Variants in DHPS observed in about 807,000 individuals in gnomAD.
DHPS encodes deoxyhypusine synthase, also known as migration-inducing gene 13.
Under a neutral mutation model 38.7 loss-of-function variants are expected in DHPS, and 24 were observed. The ratio of observed to expected loss-of-function variants is 0.62; its 90% CI spans 0.45 to 0.87. DHPS has a LOEUF of 0.87. Ranked by LOEUF, DHPS falls within the 40% of genes least tolerant of loss-of-function variation. The probability of loss-of-function intolerance (pLI) is 0.00; values close to 1 mark genes in which losing one functional copy is unlikely to be tolerated. For missense variants in DHPS, 510 were observed against 497.6 expected (o/e 1.02, Z -0.24); for synonymous variants, 250 against 204.4 (o/e 1.22, Z -1.90).
chr19:12,678,254 G>A (rs552116990), intron 5 of DHPS, among the ~76,000 whole-genome samples: 1 of 149,100 alleles, frequency 6.7e-6, no homozygotes, highest in South Asian at 2.1e-4. Context: ...GCAAAACTCC[G>A]TCTCAAAAAA....
chr19:12,681,815 C>T lies in DHPS; in HGVS notation c.-49G>A, dbSNP rs763615496. 6 of 1,554,542 alleles carry T rather than the reference C, an allele frequency of 3.9e-6. No individual in the cohort carries two copies. Among genetic ancestry groups the T allele is most frequent in the Non-Finnish European group, 5.2e-6 (6 of 1,145,146 alleles). ...CAAAGCTGCCCCTAGGCCGGGCTTACGGCGGCCCAGAAACGCGTTAAACCC... is the reference window on the plus strand; with the variant it reads ...CAAAGCTGCCCCTAGGCCGGGCTTATGGCGGCCCAGAAACGCGTTAAACCC... On this transcript the variant is annotated 5_prime_UTR_variant, in exon 1 of 9. Coordinates refer to ENST00000210060, the MANE Select transcript of DHPS (RefSeq NM_001930.4).
At chr19:12,678,147 G>GA (rs1439914885) in intron 5 of DHPS, among the ~76,000 whole-genome samples, 3 of 151,630 alleles carry the variant, frequency 2.0e-5, no homozygotes, top group African/African-American at 7.3e-5. Flanking sequence ...AGCTACTTGG[G>GA]AACTTGATGC....
rs2024829933 is a variant in DHPS, at chr19:12,681,823, C to A, written c.-57G>T. ...CCCCTAGGCCGGGCTTACGGCGGCC[C>A]AGAAACGCGTTAAACCCCGACGCGC... On this transcript the variant is annotated 5_prime_UTR_variant, in exon 1 of 9. Transcript: ENST00000210060. 6.6e-7 allele frequency: 1 copy of A among 1,517,046 alleles called. No individual in the cohort carries two copies. The highest frequency in any genetic ancestry group is 1.4e-5 in the African/African-American group (1 of 73,120). 94.0% of individuals were successfully genotyped at this position (1,517,046 alleles called of 1,614,324 possible). A position where few individuals can be genotyped will look rare whatever the true frequency, so the allele number is the denominator to read the frequency against.
At chr19:12,675,661 G>A, downstream of DHPS, 1 of 1,600,842 alleles carries the variant, frequency 6.2e-7, no homozygotes, top group South Asian at 1.1e-5. Context: ...GGCAGAGGAT[G>A]GAGCAGGCTG....
intron 1 of DHPS, 56 bp downstream of exon 1, chr19:12,681,504 G>T: frequency 1.9e-6 from 3 of 1,594,842 alleles, no homozygotes; most frequent in South Asian, 2.2e-5. Flanking sequence ...CTAGTACCGC[G>T]TTGGTTCTAC....
At chr19:12,676,925 T>C in intron 7 of DHPS, 183 bp downstream of exon 7, 1 of 613,064 alleles carries the variant, frequency 1.6e-6, no homozygotes. Flanking sequence ...TCATTTAGTA[T>C]TCCCCGTAGC....
At chr19:12,678,762 CTGT>C (rs2024698365) in intron 5 of DHPS, among the ~76,000 whole-genome samples, 1 of 93,790 alleles carries the variant, frequency 1.1e-5, no homozygotes, top group Non-Finnish European at 1.9e-5. Flanking sequence ...GAGCAAGACT[CTGT>C]CTCAAAAAAA....
downstream of DHPS, chr19:12,672,605 T>A: frequency 1.8e-6 from 1 of 543,298 alleles, no homozygotes; most frequent in Non-Finnish European, 3.3e-6. Flanking sequence ...CAAAACTCTG[T>A]CTCAAACAAA....
Position 12,681,806 on chromosome 19 carries a change from C to G in DHPS, c.-40G>C. 1 of 1,578,008 alleles carries G rather than the reference C, an allele frequency of 6.3e-7. No homozygotes were observed. The highest frequency in any genetic ancestry group is 8.6e-7 in the Non-Finnish European group (1 of 1,162,728). ...CTCTCGAGTCAAAGCTGCCCCTAGG[C>G]CGGGCTTACGGCGGCCCAGAAACGC... On this transcript the variant is annotated 5_prime_UTR_variant, in exon 1 of 9. Transcript: ENST00000210060.
At chr19:12,674,913 A>C (rs965397795), downstream of DHPS, among the ~76,000 whole-genome samples, 1 of 151,040 alleles carries the variant, frequency 6.6e-6, no homozygotes, top group African/African-American at 2.4e-5. Flanking sequence ...CAGGAGATAG[A>C]GATCATCCTG....
chr19:12,680,061 G>C (rs769862534), intron 2 of DHPS, 100 bp downstream of exon 2: 1 of 1,566,046 alleles, frequency 6.4e-7, no homozygotes, highest in South Asian at 1.2e-5. Flanking sequence ...CTATTCCTCT[G>C]CTTATAACAG....
At chr19:12,674,659 G>A (rs936350915), downstream of DHPS, among the ~76,000 whole-genome samples, 2 of 152,160 alleles carry the variant, frequency 1.3e-5, no homozygotes, top group Admixed American at 6.6e-5. Context: ...GGATCATTGG[G>A]GCTGCCAAAT....
At position 12,681,593 on chromosome 19, in the gene DHPS, G is replaced by A. The variant is rs779826931; in HGVS notation, c.174C>T (p.Asn58=). Residue 58 remains asparagine (N), a synonymous_variant, in exon 1 of 9, where the codon AAC becomes AAT. Coordinates refer to ENST00000210060, the MANE Select transcript of DHPS (RefSeq NM_001930.4). ...TGACTTGCTGTACAGCGCGCCCGAA[G>A]TTGGTTGCTTGGAAGCCGGTGGTGC... ...AFGTTGFQAT[N]FGRAVQQVNA... is the part of the protein sequence containing the mutation. 3 of 1,614,280 alleles carry A rather than the reference G, an allele frequency of 1.9e-6. No homozygotes were observed. In the South Asian group the frequency reaches 3.3e-5, roughly 18 times the overall value.
At chr19:12,672,828 G>T (rs1443805203), downstream of DHPS, 2 of 1,568,000 alleles carry the variant, frequency 1.3e-6, no homozygotes, top group East Asian at 4.7e-5. Flanking sequence ...GTTCCCGCTG[G>T]ATCTACCCTC....
At chr19:12,677,681 G>C (rs1306366962) in intron 5 of DHPS, among the ~76,000 whole-genome samples, 1 of 152,032 alleles carries the variant, frequency 6.6e-6, no homozygotes, top group Non-Finnish European at 1.5e-5. Context: ...CGTTGCCCAG[G>C]CTGGAGTGCA....
At chr19:12,677,994 T>C (rs556401775) in intron 5 of DHPS, among the ~76,000 whole-genome samples, 57 of 151,092 alleles carry the variant, frequency 3.8e-4, no homozygotes, top group Middle Eastern at 6.8e-3. Context: ...GGCTCACGCT[T>C]GTAATCCCAG....
chr19:12,676,252 A>T, intron 7 of DHPS, 110 bp from the exon 8 acceptor site: 1 of 1,321,446 alleles, frequency 7.6e-7, no homozygotes, highest in Non-Finnish European at 1.0e-6. Context: ...AGATGAAGGA[A>T]GCCCTTCACA....
chr19:12,681,876 G>C lies in DHPS; in HGVS notation c.-110C>G. ...GTCTCCGCAAGAGCACAGGAAGTAG[G>C]GAACGTGCTTTGGGCGAAAGACCGG... On this transcript the variant is annotated 5_prime_UTR_variant, in exon 1 of 9. Transcript: ENST00000210060. 1 of 982,006 alleles carries C rather than the reference G, an allele frequency of 1.0e-6. No individual in the cohort carries two copies. Among genetic ancestry groups the C allele is most frequent in the Non-Finnish European group, 1.5e-6 (1 of 664,850 alleles). 60.8% of individuals were successfully genotyped at this position (982,006 alleles called of 1,614,324 possible). A position where few individuals can be genotyped will look rare whatever the true frequency, so the allele number is the denominator to read the frequency against.
intron 5 of DHPS, among the ~76,000 whole-genome samples, chr19:12,678,288 C>G (rs2024683323): frequency 6.6e-6 from 1 of 151,160 alleles, no homozygotes; most frequent in Admixed American, 6.6e-5. Flanking sequence ...GCTTGTGCAA[C>G]ATGGTGAGTT....
Sources: allele counts gnomAD v4.1 joint callset (sites outside exome capture counted in the v4.1 genomes callset), GRCh38; gene constraint gnomAD v4.1.1; transcripts MANE v1.5; gene names NCBI Gene and HGNC (gene_info 2026-07-23, HGNC 2026-07-21).